Variants in PAWR observed in about 807,000 individuals in gnomAD.
PAWR encodes PRKC apoptosis WT1 regulator protein.
A neutral mutation model predicts 32.0 loss-of-function variants in PAWR; 23 were observed. The ratio of observed to expected loss-of-function variants is 0.72; its 90% CI spans 0.52 to 1.02. The LOEUF is 1.02. PAWR is among the 50% of genes least tolerant of loss of function. The pLI is 0.00. For missense variants in PAWR, 457 were observed against 437.7 expected, an observed-to-expected ratio of 1.04 and a Z score of -0.39; for synonymous variants, 226 against 187.1, an observed-to-expected ratio of 1.21 and a Z score of -1.70.
chr12:79,667,071 T>C (rs1239433205), intron 2 of PAWR, among the ~76,000 whole-genome samples: 1 of 152,224 alleles, frequency 6.6e-6, no homozygotes, highest in African/African-American at 2.4e-5. Context: ...ATGTCTCATA[T>C]GTCTCCCTAG....
chr12:79,662,201 C>CAAAAAAAAAA (rs57565065), intron 2 of PAWR, among the ~76,000 whole-genome samples: 1 of 45,710 alleles, frequency 2.2e-5, no homozygotes, highest in African/African-American at 7.0e-5. Flanking sequence ...AGACATCTCT[C>CAAAAAAAAAA]AAAAAAAAAA....
intron 2 of PAWR, among the ~76,000 whole-genome samples, chr12:79,638,549 TAACTA>T (rs1481133531): frequency 2.6e-5 from 4 of 152,070 alleles, no homozygotes; most frequent in Non-Finnish European, 5.9e-5. Context: ...ATTTTTAACT[TAACTA>T]ATCTCATATT....
intron 2 of PAWR, among the ~76,000 whole-genome samples, chr12:79,628,572 AAAAAG>A (rs2136736308): frequency 6.6e-6 from 1 of 152,266 alleles, no homozygotes; most frequent in East Asian, 1.9e-4. Flanking sequence ...AAAATGTTTC[AAAAAG>A]AAAAGAAAAA....
chr12:79,670,535 A>G (rs1203409797), intron 2 of PAWR, among the ~76,000 whole-genome samples: 2 of 152,194 alleles, frequency 1.3e-5, no homozygotes, highest in Non-Finnish European at 2.9e-5. Flanking sequence ...AAATGCCAAA[A>G]ATATCTCATT....
chr12:79,607,680 G>T (rs1874242330), intron 4 of PAWR, among the ~76,000 whole-genome samples: 2 of 149,768 alleles, frequency 1.3e-5, no homozygotes, highest in Non-Finnish European at 3.0e-5. Context: ...AGTGAGCCAT[G>T]ATTACACTAC....
intron 2 of PAWR, among the ~76,000 whole-genome samples, chr12:79,677,599 T>C (rs1051911249): frequency 2.6e-5 from 4 of 152,194 alleles, no homozygotes; most frequent in African/African-American, 9.7e-5. Context: ...ATAGCTGATT[T>C]TTGCACAATC....
intron 2 of PAWR, among the ~76,000 whole-genome samples, chr12:79,625,017 G>T (rs1034414259): frequency 6.6e-6 from 1 of 152,056 alleles, no homozygotes; most frequent in African/African-American, 2.4e-5. Flanking sequence ...AATAGGGATT[G>T]TATCATTTTA....
chr12:79,649,070 A>C (rs1175275100), intron 2 of PAWR, among the ~76,000 whole-genome samples: 2 of 152,176 alleles, frequency 1.3e-5, no homozygotes, highest in East Asian at 3.9e-4. Context: ...CCCTAGCTGA[A>C]CACTGTGATT....
At position 79,619,747 on chromosome 12, in the gene PAWR, A is replaced by T. The variant is rs138756328; in HGVS notation, c.648+1329T>A. The stretch of plus-strand genomic sequence containing the variant: ...TAAGTCTGTTATACAACTGATTTCA[A>T]ATATACTCTTTCTGAAACAATCTTC... On this transcript the variant is annotated intron_variant, in intron 3 of 6. Transcript: ENST00000328827. Among the ~76,000 whole-genome samples, 95 of 152,300 alleles carry T rather than the reference A, an allele frequency of 6.2e-4. 1 individual carries two copies. Among genetic ancestry groups the T allele is most frequent in the African/African-American group, 2.2e-3 (90 of 41,580 alleles).
chr12:79,625,352 A>T (rs188585682), intron 2 of PAWR, among the ~76,000 whole-genome samples: 269 of 152,330 alleles, frequency 1.8e-3, no homozygotes, highest in African/African-American at 5.7e-3. Context: ...AACTGAAGAA[A>T]TAATAGCTGA....
In PAWR at chr12:79,591,115, T is replaced by TG. The variant is rs1873541432; in HGVS notation, c.*1491_*1492insC. On this transcript the variant is annotated 3_prime_UTR_variant, in exon 7 of 7. Transcript: ENST00000328827. ...TCTCAACCTAAACCTACATAGGAGC[T>TG]ACAGCCAGGGAGTTCTTTCTAAGTT... 1 of 152,202 alleles carries TG rather than the reference T, an allele frequency of 6.6e-6. No individual in the cohort carries two copies. The highest frequency in any genetic ancestry group is 1.5e-5 in the Non-Finnish European group (1 of 68,030). The allele number at this position is 152,202 out of a possible 1,614,324, so 9.4% of individuals were successfully genotyped here.
intron 4 of PAWR, chr12:79,597,884 T>C (rs1450796660): frequency 6.6e-6 from 1 of 152,180 alleles, no homozygotes; most frequent in Non-Finnish European, 1.5e-5. Flanking sequence ...TGATTATGAT[T>C]CGGGGCTTCT....
At chr12:79,621,722 T>A (rs916630255) in intron 2 of PAWR, among the ~76,000 whole-genome samples, 12 of 152,210 alleles carry the variant, frequency 7.9e-5, no homozygotes, top group South Asian at 2.1e-4. Context: ...AATCTTGTAA[T>A]TTAAAGAATG....
intron 6 of PAWR, 21 bp from the exon 7 acceptor site, chr12:79,592,714 CT>C (rs765309586): frequency 1.4e-6 from 1 of 718,040 alleles, no homozygotes; most frequent in Non-Finnish European, 2.5e-6. Context: ...AAAAAAGACA[CT>C]TTAAAAATAC....
At chr12:79,624,644 G>C (rs1018181827) in intron 2 of PAWR, among the ~76,000 whole-genome samples, 3 of 152,168 alleles carry the variant, frequency 2.0e-5, no homozygotes, top group Non-Finnish European at 4.4e-5. Context: ...AAGCATCCTA[G>C]AAATTCTTAA....
chr12:79,600,831 A>G (rs117230949), intron 4 of PAWR, among the ~76,000 whole-genome samples: 1 of 152,194 alleles, frequency 6.6e-6, no homozygotes, highest in Non-Finnish European at 1.5e-5. Context: ...AATATCACAC[A>G]TTGTAACAGC....
chr12:79,651,116 G>T (rs1876823775), intron 2 of PAWR, among the ~76,000 whole-genome samples: 1 of 152,176 alleles, frequency 6.6e-6, no homozygotes, highest in Non-Finnish European at 1.5e-5. Flanking sequence ...ATCCACTTGG[G>T]TGCTGGAGTA....
chr12:79,671,467 A>C (rs975261508), intron 2 of PAWR, among the ~76,000 whole-genome samples: 1 of 152,180 alleles, frequency 6.6e-6, no homozygotes, highest in Non-Finnish European at 1.5e-5. Context: ...GTTTTTGTAG[A>C]TATTCATCAA....
intron 2 of PAWR, among the ~76,000 whole-genome samples, chr12:79,643,980 T>A (rs575981906): frequency 1.6e-4 from 25 of 152,276 alleles, no homozygotes; most frequent in Admixed American, 1.3e-3. Flanking sequence ...TTTGCACAAG[T>A]TCGTATGAAG....
Sources: allele counts gnomAD v4.1 joint callset (sites outside exome capture counted in the v4.1 genomes callset), GRCh38; gene constraint gnomAD v4.1.1; transcripts MANE v1.5; gene names NCBI Gene and HGNC (gene_info 2026-07-23, HGNC 2026-07-21).